The following KLHL20 variants were observed in gnomAD, a reference collection of about 807,000 sequenced individuals.
KLHL20 encodes kelch like family member 20.
A neutral mutation model predicts 69.5 loss-of-function variants in KLHL20; 29 were observed. The ratio of observed to expected loss-of-function variants is 0.42; its 90% CI spans 0.31 to 0.57. The LOEUF is 0.57. Among genes scored for constraint, KLHL20 ranks in the 20% least tolerant of loss-of-function variants. KLHL20 has a pLI of 0.18. For missense variants in KLHL20, 419 were observed against 776.0 expected (o/e 0.54, Z 5.47); for synonymous variants, 253 against 265.2 (o/e 0.95, Z 0.45).
chr1:173,780,793 G>A (rs1416694242), intron 10 of KLHL20, among the ~76,000 whole-genome samples: 4 of 151,572 alleles, frequency 2.6e-5, no homozygotes, highest in South Asian at 2.1e-4. Context: ...TGCAGTGTGC[G>A]ATCTTGGCTC....
rs1370147608 is a variant in KLHL20, at chr1:173,785,551, TG to T, written c.*305del. 1 of 185,484 alleles carries T rather than the reference TG, an allele frequency of 5.4e-6. No homozygotes were observed. The highest frequency in any genetic ancestry group is 2.4e-5 in the African/African-American group (1 of 42,172). 11.5% of individuals were successfully genotyped at this position (185,484 alleles called of 1,614,324 possible). A position where few individuals can be genotyped will look rare whatever the true frequency, so the allele number is the denominator to read the frequency against. ...AAATTCCAAGCAGCAAAACTTACTT[TG>T]TTTGTAAGGTATTCATTTAGGTTTG... On this transcript the variant is annotated 3_prime_UTR_variant, in exon 12 of 12. Coordinates refer to ENST00000209884, the MANE Select transcript of KLHL20 (RefSeq NM_014458.4).
At chr1:173,744,208 T>C (rs934647417) in intron 3 of KLHL20, among the ~76,000 whole-genome samples, 3 of 152,168 alleles carry the variant, frequency 2.0e-5, no homozygotes, top group Non-Finnish European at 2.9e-5. Context: ...GAAGGGAATT[T>C]CAGTATCATT....
At chr1:173,719,254 G>A (rs1225774608) in intron 2 of KLHL20, among the ~76,000 whole-genome samples, 1 of 152,056 alleles carries the variant, frequency 6.6e-6, no homozygotes, top group Non-Finnish European at 1.5e-5. Flanking sequence ...CTGTTTTGCT[G>A]TTACAACCAG....
At chr1:173,729,931 C>T (rs182684121) in intron 2 of KLHL20, among the ~76,000 whole-genome samples, 1 of 152,280 alleles carries the variant, frequency 6.6e-6, no homozygotes, top group Non-Finnish European at 1.5e-5. Context: ...GTCAAATTGT[C>T]CCTGTTTGCA....
intron 11 of KLHL20, among the ~76,000 whole-genome samples, chr1:173,784,944 G>C (rs773304656): frequency 7.9e-4 from 121 of 152,322 alleles, no homozygotes; most frequent in Admixed American, 2.6e-3. Flanking sequence ...CTATGAGTGA[G>C]AGCATGTCAG....
chr1:173,726,912 A>G (rs1671997648), intron 2 of KLHL20, among the ~76,000 whole-genome samples: 1 of 152,214 alleles, frequency 6.6e-6, no homozygotes, highest in African/African-American at 2.4e-5. Flanking sequence ...GACTTTGACG[A>G]GTTGAGAGAA....
chr1:173,751,904 A>G lies in KLHL20; in HGVS notation c.738A>G (p.Arg246=), dbSNP rs1673332012. The change falls in exon 4 of 12, where the codon AGA becomes AGG. Residue 246 remains arginine (R), a synonymous_variant. Transcript: ENST00000209884. ...GGGTCAAATACAGTATTCAGGAAAGACGTCCTCAATTACCCCAGGTAATGA... is the reference window on the plus strand; with the variant it reads ...GGGTCAAATACAGTATTCAGGAAAGGCGTCCTCAATTACCCCAGGTAATGA... The part of the protein sequence containing the change: ...MAWVKYSIQE[R]RPQLPQVLQH... The G allele has an allele frequency of 6.2e-7, 1 of 1,613,994 alleles. No individual in the cohort carries two copies. Among genetic ancestry groups the G allele is most frequent in the African/African-American group, 1.3e-5 (1 of 75,052 alleles).
intron 8 of KLHL20, among the ~76,000 whole-genome samples, chr1:173,772,180 C>T (rs10912689): frequency 1.8e-4 from 27 of 152,104 alleles, no homozygotes; most frequent in African/African-American, 5.8e-4. Context: ...ATTTTATTTC[C>T]CACTTAAAGA....
intron 2 of KLHL20, among the ~76,000 whole-genome samples, chr1:173,718,974 G>A (rs1203925202): frequency 7.9e-5 from 12 of 151,744 alleles, no homozygotes; most frequent in South Asian, 2.1e-4. Context: ...GTGCGGTGGC[G>A]GGCACCTGTA....
At chr1:173,778,330 C>G (rs909598870) in intron 10 of KLHL20, among the ~76,000 whole-genome samples, 1 of 150,390 alleles carries the variant, frequency 6.6e-6, no homozygotes, top group African/African-American at 2.4e-5. Context: ...GATCTCATTA[C>G]TTTTTTGTTT....
intron 7 of KLHL20, among the ~76,000 whole-genome samples, chr1:173,759,612 A>G (rs1022963249): frequency 3.9e-5 from 6 of 152,320 alleles, no homozygotes; most frequent in Non-Finnish European, 1.5e-5. Flanking sequence ...GGCTAGACCC[A>G]GAAGAGAGAC....
At chr1:173,764,474 C>T (rs1647549418) in intron 7 of KLHL20, among the ~76,000 whole-genome samples, 1 of 152,142 alleles carries the variant, frequency 6.6e-6, no homozygotes, top group Non-Finnish European at 1.5e-5. Flanking sequence ...GGAAGCAAAC[C>T]AAATGTCCGT....
chr1:173,746,105 C>G (rs983441597), intron 3 of KLHL20, among the ~76,000 whole-genome samples: 4 of 152,134 alleles, frequency 2.6e-5, no homozygotes, highest in Non-Finnish European at 5.9e-5. Flanking sequence ...ATTAATGTAA[C>G]TTACATTAAT....
At chr1:173,767,410 G>A (rs1308568582) in intron 8 of KLHL20, among the ~76,000 whole-genome samples, 1 of 152,078 alleles carries the variant, frequency 6.6e-6, no homozygotes, top group Non-Finnish European at 1.5e-5. Context: ...ACTTAGTAGT[G>A]GGATTACTGG....
At chr1:173,753,141 C>T in intron 4 of KLHL20, 72 bp from the exon 5 acceptor site, 3 of 1,254,748 alleles carry the variant, frequency 2.4e-6, no homozygotes, top group Middle Eastern at 2.1e-4. Context: ...CCACTGTACT[C>T]CAGCCTAGGC....
intron 7 of KLHL20, among the ~76,000 whole-genome samples, chr1:173,758,525 C>T (rs377309439): frequency 7.2e-5 from 11 of 152,298 alleles, no homozygotes; most frequent in African/African-American, 1.7e-4. Context: ...CTGCAGCACC[C>T]GGGAGAAACC....
chr1:173,751,910 T>G lies in KLHL20; in HGVS notation c.744T>G (p.Pro248=). 6.2e-7 allele frequency: 1 copy of G among 1,613,788 alleles called. No homozygotes were observed. The highest frequency in any genetic ancestry group is 8.5e-7 in the Non-Finnish European group (1 of 1,179,862). Residue 248 remains proline, a synonymous_variant, in exon 4 of 12, where the codon CCT becomes CCG. Coordinates refer to ENST00000209884, the MANE Select transcript of KLHL20 (RefSeq NM_014458.4). ...AATACAGTATTCAGGAAAGACGTCC[T>G]CAATTACCCCAGGTAATGATAGAAA... ...WVKYSIQERR[P]QLPQVLQHVR...
chr1:173,731,193 C>T (rs1482939009), intron 2 of KLHL20, among the ~76,000 whole-genome samples: 5 of 152,100 alleles, frequency 3.3e-5, no homozygotes, highest in Non-Finnish European at 4.4e-5. Context: ...GTTAGAATGG[C>T]AATCATTAAA....
intron 2 of KLHL20, among the ~76,000 whole-genome samples, chr1:173,727,212 A>G (rs1230339559): frequency 6.6e-6 from 1 of 152,160 alleles, no homozygotes; most frequent in Admixed American, 6.5e-5. Context: ...GAATGAAAAA[A>G]AAAAACGAGC....
Sources: allele counts gnomAD v4.1 joint callset (sites outside exome capture counted in the v4.1 genomes callset), GRCh38; gene constraint gnomAD v4.1.1; transcripts MANE v1.5; gene names NCBI Gene and HGNC (gene_info 2026-07-23, HGNC 2026-07-21).